CTNNA2: variants seen among roughly 807,000 people sequenced by gnomAD.
CTNNA2 encodes the protein catenin alpha 2.
Under a neutral mutation model 101.0 loss-of-function variants are expected in CTNNA2, and 42 were observed. The ratio of observed to expected loss-of-function variants is 0.42; its 90% confidence interval spans 0.32 to 0.54. The LOEUF is 0.54. Among genes scored for constraint, CTNNA2 ranks in the 20% least tolerant of loss-of-function variants. The pLI, the probability that CTNNA2 is intolerant of heterozygous loss-of-function variation, is 0.14. For synonymous variants in CTNNA2, 450 were observed against 456.4 expected, an observed-to-expected ratio of 0.99 and a Z score of 0.18; for missense variants, 871 against 1,223.1, an observed-to-expected ratio of 0.71 and a Z score of 4.29.
intron 7 of CTNNA2, among the ~76,000 whole-genome samples, chr2:79,959,579 G>A (rs1410142149): frequency 6.6e-6 from 1 of 152,154 alleles, no homozygotes; most frequent in African/African-American, 2.4e-5. Context: ...TTGGGAACTT[G>A]CAGAAGCAAC....
intron 9 of CTNNA2, among the ~76,000 whole-genome samples, chr2:80,505,995 T>C (rs527820698): frequency 2.6e-5 from 4 of 152,338 alleles, no homozygotes; most frequent in East Asian, 1.9e-4. Flanking sequence ...TTTTACTAGA[T>C]GTCACGTATT....
intron 7 of CTNNA2, among the ~76,000 whole-genome samples, chr2:80,289,897 C>T (rs112042283): frequency 1.3e-3 from 196 of 152,282 alleles, no homozygotes; most frequent in Non-Finnish European, 2.5e-3. Context: ...ACTTAATTCA[C>T]AGCAGTGACC....
At chr2:80,213,265 G>A (rs1573407987) in intron 7 of CTNNA2, among the ~76,000 whole-genome samples, 1 of 151,952 alleles carries the variant, frequency 6.6e-6, no homozygotes, top group African/African-American at 2.4e-5. Flanking sequence ...GTTTTTGAAT[G>A]TGTTTGCTCT....
chr2:80,181,397 A>G (rs368591314), intron 7 of CTNNA2, among the ~76,000 whole-genome samples: 93 of 152,312 alleles, frequency 6.1e-4, no homozygotes, highest in African/African-American at 2.0e-3. Context: ...CAGCCTCATC[A>G]GGGTCCTCCC....
chr2:80,481,898 T>C (rs1686178450), intron 9 of CTNNA2, among the ~76,000 whole-genome samples: 2 of 152,024 alleles, frequency 1.3e-5, no homozygotes, highest in South Asian at 4.1e-4. Flanking sequence ...TAAACAAGTG[T>C]CTACTTGTTG....
intron 1 of CTNNA2, among the ~76,000 whole-genome samples, chr2:79,193,154 G>T (rs931455106): frequency 2.0e-4 from 30 of 152,040 alleles, no homozygotes; most frequent in Non-Finnish European, 5.9e-5. Context: ...AATTTTGTGA[G>T]ATTTATCCAC....
chr2:79,953,101 T>C (rs1688998311), intron 7 of CTNNA2, among the ~76,000 whole-genome samples: 1 of 152,190 alleles, frequency 6.6e-6, no homozygotes, highest in Non-Finnish European at 1.5e-5. Context: ...CATCGAGGCA[T>C]GTGGGTCCTT....
chr2:80,540,171 C>T (rs144794270), intron 9 of CTNNA2, among the ~76,000 whole-genome samples: 1,788 of 152,280 alleles, frequency 0.012, 15 homozygotes, highest in Middle Eastern at 0.045. Flanking sequence ...CATACTTCCC[C>T]TTATCACCCT....
chr2:80,574,220 T>C lies in CTNNA2; in HGVS notation c.1799T>C (p.Val600Ala), dbSNP rs1209675145. Reference protein sequence around the residue: ...EVAIEALSANVPQPFEENEFI... With the variant: ...EVAIEALSANAPQPFEENEFI... The stretch of plus-strand genomic sequence containing the variant: ...GCCATTGAAGCCCTGAGTGCCAACG[T>C]TCCTCAACCGTTTGAGGAGAATGAG... Residue 600 changes from valine (V) to alanine (A), a missense_variant, in exon 13 of 19, where the codon GTT becomes GCT. By Grantham distance (64) the Val-to-Ala change is moderately conservative (BLOSUM62 0). This residue lies in a region of CTNNA2 where 647 missense variants were observed against 831.5 expected (regional missense o/e 0.78). Coordinates refer to ENST00000402739, the MANE Select transcript of CTNNA2 (RefSeq NM_001282597.3). 1 of 1,613,714 alleles carries C rather than the reference T, an allele frequency of 6.2e-7. No homozygotes were observed. The highest frequency in any genetic ancestry group is 2.2e-5 in the East Asian group (1 of 44,852).
Position 79,463,710 on chromosome 2 carries a change from C to G in CTNNA2, c.-134-41344C>G, listed in dbSNP as rs745406554. Among the ~76,000 whole-genome samples, 68 of 152,250 alleles carry G rather than the reference C, an allele frequency of 4.5e-4. 2 individuals carry two copies. The highest frequency in any genetic ancestry group is 1.3e-3 in the Admixed American group (20 of 15,300). On this transcript the variant is annotated intron_variant, in intron 4 of 21. Transcript: ENST00000466387. The stretch of plus-strand genomic sequence containing the variant: ...AAAGTGATTATGTGGAAAATAAAGC[C>G]TGAAGTTCTCAACAGATCATTCTGA...
intron 2 of CTNNA2, among the ~76,000 whole-genome samples, chr2:79,204,850 T>C (rs1674081549): frequency 6.6e-6 from 1 of 152,192 alleles, no homozygotes; most frequent in Non-Finnish European, 1.5e-5. Flanking sequence ...ACAGGCCGTT[T>C]TCATAATGGA....
At chr2:79,911,822 A>G (rs1406333480) in intron 7 of CTNNA2, among the ~76,000 whole-genome samples, 1 of 152,154 alleles carries the variant, frequency 6.6e-6, no homozygotes, top group Admixed American at 6.5e-5. Context: ...TGGACTTCAC[A>G]CTTGTTTGGT....
At chr2:80,044,225 G>C (rs1696367429) in intron 7 of CTNNA2, among the ~76,000 whole-genome samples, 1 of 152,154 alleles carries the variant, frequency 6.6e-6, no homozygotes, top group Admixed American at 6.5e-5. Flanking sequence ...ATTTTCTATA[G>C]TATAGAAAGA....
chr2:79,521,677 C>T (rs534850843), intron 1 of CTNNA2, among the ~76,000 whole-genome samples: 1 of 152,228 alleles, frequency 6.6e-6, no homozygotes, highest in African/African-American at 2.4e-5. Flanking sequence ...AAGTAAGCAG[C>T]AGTGTTTGTT....
intron 2 of CTNNA2, among the ~76,000 whole-genome samples, chr2:79,290,741 C>G (rs1675780957): frequency 6.6e-6 from 1 of 152,150 alleles, no homozygotes; most frequent in African/African-American, 2.4e-5. Flanking sequence ...CTTCCCACTC[C>G]ATCTCCCTTC....
At chr2:79,721,131 T>C (rs1039288448) in intron 2 of CTNNA2, among the ~76,000 whole-genome samples, 5 of 152,086 alleles carry the variant, frequency 3.3e-5, no homozygotes, top group Non-Finnish European at 7.4e-5. Context: ...TTCATGTAGT[T>C]TGCAGTTTGG....
chr2:79,232,718 T>C (rs1674511274), intron 2 of CTNNA2, among the ~76,000 whole-genome samples: 1 of 152,228 alleles, frequency 6.6e-6, no homozygotes, highest in African/African-American at 2.4e-5. Flanking sequence ...ATTTCCGAAC[T>C]TGTTACGGGT....
At chr2:80,592,433 C>T (rs1353695666) in intron 15 of CTNNA2, among the ~76,000 whole-genome samples, 1 of 152,184 alleles carries the variant, frequency 6.6e-6, no homozygotes, top group African/African-American at 2.4e-5. Flanking sequence ...GCCTACCTTT[C>T]TTGACCTTTA....
rs572996766 is a variant in CTNNA2, at chr2:80,564,407, C to A, written c.1741+8514C>A. Among the ~76,000 whole-genome samples, 3 of 152,006 alleles carry A rather than the reference C, an allele frequency of 2.0e-5. No individual in the cohort carries two copies. The East Asian group carries it at 5.8e-4, about 30-fold the overall frequency. ...TTAAAATAGAAGAAAACTTTCCAAGCAAGCATTTTCTTTCCTCAGGAAAAG... is the reference window on the plus strand; with the variant it reads ...TTAAAATAGAAGAAAACTTTCCAAGAAAGCATTTTCTTTCCTCAGGAAAAG... On this transcript the variant is annotated intron_variant, in intron 12 of 18. Transcript: ENST00000402739.
Sources: gnomAD v4.1 joint callset for allele counts (sites outside exome capture counted in the v4.1 genomes callset) on GRCh38, gnomAD v4.1.1 for gene constraint, gnomAD v4.1.1 regional missense constraint, MANE v1.5 for transcripts, NCBI Gene and HGNC (gene_info 2026-07-23, HGNC 2026-07-21) for gene names.